Variants in KCNH5 observed in about 807,000 individuals in gnomAD.
KCNH5 encodes voltage-gated delayed rectifier potassium channel KCNH5.
KCNH5 carries 46 observed loss-of-function variants against 96.1 expected under a neutral mutation model. The ratio of observed to expected loss-of-function variants is 0.48; its 90% CI spans 0.38 to 0.61. KCNH5 has a LOEUF of 0.61. Ranked by LOEUF, KCNH5 falls within the 20% of genes least tolerant of loss-of-function variation. KCNH5 has a pLI of 0.00. For missense variants in KCNH5, 907 were observed against 1,225.8 expected (o/e 0.74, Z 3.88); for synonymous variants, 439 against 449.8 (o/e 0.98, Z 0.30).
chr14:62,762,481 C>T lies in KCNH5; in HGVS notation c.2019+17247G>A, dbSNP rs142074851. On this transcript the variant is annotated intron_variant, in intron 10 of 10. Transcript: ENST00000322893. ...AACAGGCACCCAGCAGCAGCCTCTC[C>T]ACACAGCTTTGCCAATGTACACTCC... Among the ~76,000 whole-genome samples, 524 of 152,264 alleles carry T rather than the reference C, an allele frequency of 3.4e-3. 4 individuals are homozygous for T. The highest frequency in any genetic ancestry group is 0.012 in the African/African-American group (500 of 41,548).
At chr14:62,893,746 A>C (rs533484470) in intron 7 of KCNH5, among the ~76,000 whole-genome samples, 1 of 152,206 alleles carries the variant, frequency 6.6e-6, no homozygotes, top group South Asian at 2.1e-4. Flanking sequence ...CGAGACTCCA[A>C]CTCAAAAAAA....
At chr14:63,025,548 A>T (rs1313770046) in intron 1 of KCNH5, among the ~76,000 whole-genome samples, 1 of 151,956 alleles carries the variant, frequency 6.6e-6, no homozygotes, top group African/African-American at 2.4e-5. Context: ...AAATCAACAT[A>T]TGAAAAACAG....
chr14:63,041,512 T>C (rs1891824026), intron 1 of KCNH5, among the ~76,000 whole-genome samples: 1 of 152,106 alleles, frequency 6.6e-6, no homozygotes, highest in Non-Finnish European at 1.5e-5. Context: ...TAGCCAAAAG[T>C]TTGTCTAAGC....
chr14:62,811,458 T>C (rs1886871387), intron 8 of KCNH5, among the ~76,000 whole-genome samples: 1 of 152,198 alleles, frequency 6.6e-6, no homozygotes, highest in East Asian at 1.9e-4. Flanking sequence ...TTTTCCTTTT[T>C]ACTGGCATGT....
chr14:62,811,405 A>C (rs1886870354), intron 8 of KCNH5, among the ~76,000 whole-genome samples: 1 of 151,934 alleles, frequency 6.6e-6, no homozygotes, highest in Non-Finnish European at 1.5e-5. Context: ...CTCACCACCT[A>C]AGCTTGCCAT....
At chr14:62,905,086 G>A (rs565778569) in intron 7 of KCNH5, among the ~76,000 whole-genome samples, 7 of 152,294 alleles carry the variant, frequency 4.6e-5, no homozygotes, top group African/African-American at 9.6e-5. Flanking sequence ...ACCAAGCCAC[G>A]CTTCAGGTTC....
intron 6 of KCNH5, among the ~76,000 whole-genome samples, chr14:62,966,248 C>T (rs1890303303): frequency 6.6e-6 from 1 of 152,184 alleles, no homozygotes; most frequent in African/African-American, 2.4e-5. Flanking sequence ...ACTAAACATT[C>T]AAACACTACT....
chr14:62,957,118 A>G (rs1481569813), intron 6 of KCNH5, among the ~76,000 whole-genome samples: 1 of 152,216 alleles, frequency 6.6e-6, no homozygotes, highest in Middle Eastern at 3.2e-3. Flanking sequence ...TTACTTGACA[A>G]GCCCCTCAGG....
At chr14:62,792,745 TC>T (rs939383837) in intron 9 of KCNH5, among the ~76,000 whole-genome samples, 1 of 151,634 alleles carries the variant, frequency 6.6e-6, no homozygotes, top group African/African-American at 2.4e-5. Context: ...GAATCTGACA[TC>T]CTGACTCAAC....
At chr14:62,745,343 C>T (rs1885354685) in intron 10 of KCNH5, among the ~76,000 whole-genome samples, 1 of 152,106 alleles carries the variant, frequency 6.6e-6, no homozygotes. Context: ...TGTCCTCTAA[C>T]AATGAGAGGT....
chr14:62,842,212 T>C (rs1248751182), intron 8 of KCNH5, among the ~76,000 whole-genome samples: 3 of 152,184 alleles, frequency 2.0e-5, no homozygotes, highest in Non-Finnish European at 2.9e-5. Flanking sequence ...CTAATATATA[T>C]GTTTGAGTGT....
intron 4 of KCNH5, among the ~76,000 whole-genome samples, chr14:62,990,931 G>A (rs965108414): frequency 2.0e-5 from 3 of 152,032 alleles, no homozygotes; most frequent in Non-Finnish European, 4.4e-5. Context: ...AAAACCATCA[G>A]ATCTCAGAGA....
intron 6 of KCNH5, among the ~76,000 whole-genome samples, chr14:62,978,577 ACT>A (rs1294118061): frequency 7.0e-6 from 1 of 143,864 alleles, no homozygotes; most frequent in Non-Finnish European, 1.5e-5. Flanking sequence ...ACAGAGTGAG[ACT>A]CCGTCTCAAA....
chr14:62,795,066 C>T (rs1328303283), intron 9 of KCNH5, among the ~76,000 whole-genome samples: 1 of 152,102 alleles, frequency 6.6e-6, no homozygotes, highest in Non-Finnish European at 1.5e-5. Flanking sequence ...GTTTCCCCCT[C>T]AATTATCTTT....
Position 62,717,649 on chromosome 14 carries a change from G to C in KCNH5, c.2020-9194C>G, listed in dbSNP as rs865937736. Among the ~76,000 whole-genome samples the C allele has an allele frequency of 2.1e-4, 32 of 152,292 alleles. 1 individual carries two copies. In the Middle Eastern group the frequency reaches 0.01, roughly 49 times the overall value. ...TATATACAAAATTAAACTTATAATG[G>C]ATAAAAGACCTAACTGCAAGAGCTA... On this transcript the variant is annotated intron_variant, in intron 10 of 10. Coordinates refer to ENST00000322893, the MANE Select transcript of KCNH5 (RefSeq NM_139318.5).
At chr14:62,768,336 C>T (rs1005131992) in intron 10 of KCNH5, among the ~76,000 whole-genome samples, 1 of 152,176 alleles carries the variant, frequency 6.6e-6, no homozygotes, top group Non-Finnish European at 1.5e-5. Context: ...ATAATACACA[C>T]ATTTAAGTCT....
intron 9 of KCNH5, among the ~76,000 whole-genome samples, chr14:62,793,616 T>C (rs1371052557): frequency 6.6e-6 from 1 of 151,864 alleles, no homozygotes; most frequent in African/African-American, 2.4e-5. Flanking sequence ...ACTTGTCTTC[T>C]GTTTTTCCTT....
chr14:63,003,626 T>TA (rs1891070358), intron 3 of KCNH5, among the ~76,000 whole-genome samples: 6 of 116,174 alleles, frequency 5.2e-5, no homozygotes, highest in South Asian at 2.4e-4. Flanking sequence ...ATATATATAT[T>TA]TTTTTTTTTT....
chr14:62,748,620 T>C (rs911633050), intron 10 of KCNH5, among the ~76,000 whole-genome samples: 1 of 152,120 alleles, frequency 6.6e-6, no homozygotes, highest in Non-Finnish European at 1.5e-5. Flanking sequence ...AAGATCCGTC[T>C]TCTGTAACTT....
Sources: allele counts gnomAD v4.1 joint callset (sites outside exome capture counted in the v4.1 genomes callset), GRCh38; gene constraint gnomAD v4.1.1; transcripts MANE v1.5; gene names NCBI Gene and HGNC (gene_info 2026-07-23, HGNC 2026-07-21).